Variants in SCFD2 observed in about 807,000 individuals in gnomAD.
SCFD2 encodes sec1 family domain containing 2.
A neutral mutation model predicts 58.9 loss-of-function variants in SCFD2; 54 were observed. The observed-to-expected ratio is 0.92, with a 90% CI of 0.74 to 1.15. The LOEUF is 1.15. SCFD2 is among the 50% of genes most tolerant of loss of function. The pLI is 0.00. For missense variants in SCFD2, 805 were observed against 836.6 expected (o/e 0.96, Z 0.47); for synonymous variants, 321 against 335.9 (o/e 0.96, Z 0.49).
At chr4:53,161,234 C>G (rs1483951382) in intron 4 of SCFD2, among the ~76,000 whole-genome samples, 2 of 152,190 alleles carry the variant, frequency 1.3e-5, no homozygotes, top group Non-Finnish European at 2.9e-5. Context: ...GATTACACAG[C>G]TGTCTTCAGT....
intron 5 of SCFD2, among the ~76,000 whole-genome samples, chr4:53,107,480 C>T (rs1363962061): frequency 6.6e-6 from 1 of 152,124 alleles, no homozygotes; most frequent in African/African-American, 2.4e-5. Context: ...TTCAGGAGAT[C>T]TACCTCATGT....
At chr4:53,269,323 C>CA (rs1207136786) in intron 4 of SCFD2, among the ~76,000 whole-genome samples, 1 of 151,422 alleles carries the variant, frequency 6.6e-6, no homozygotes, top group Non-Finnish European at 1.5e-5. Context: ...GACCCTGTCT[C>CA]AAAAAAATTT....
At chr4:53,327,314 G>A (rs1448334860) in intron 2 of SCFD2, among the ~76,000 whole-genome samples, 1 of 152,190 alleles carries the variant, frequency 6.6e-6, no homozygotes, top group Non-Finnish European at 1.5e-5. Context: ...GAGGGTGGCA[G>A]CAGTCTGACC....
At chr4:53,002,687 T>C (rs923353792) in intron 5 of SCFD2, among the ~76,000 whole-genome samples, 6 of 152,136 alleles carry the variant, frequency 3.9e-5, no homozygotes, top group African/African-American at 9.7e-5. Context: ...TAAGCAAATA[T>C]ATAAACAAAT....
chr4:52,951,624 G>C (rs760822193), intron 5 of SCFD2, among the ~76,000 whole-genome samples: 1 of 152,158 alleles, frequency 6.6e-6, no homozygotes, highest in Non-Finnish European at 1.5e-5. Flanking sequence ...GCAGTTAGGA[G>C]AAGTCATGTG....
chr4:53,224,517 C>A (rs527246405), intron 4 of SCFD2, among the ~76,000 whole-genome samples: 1 of 152,168 alleles, frequency 6.6e-6, no homozygotes, highest in Non-Finnish European at 1.5e-5. Flanking sequence ...CATGCGTAGG[C>A]ACTGCAGCTG....
intron 4 of SCFD2, among the ~76,000 whole-genome samples, chr4:53,182,027 C>T (rs999436650): frequency 9.2e-5 from 14 of 152,158 alleles, no homozygotes; most frequent in Non-Finnish European, 1.5e-4. Flanking sequence ...GGAAGAACAT[C>T]CCATGCTCAT....
At chr4:52,938,750 T>G in intron 5 of SCFD2, among the ~76,000 whole-genome samples, 1 of 152,236 alleles carries the variant, frequency 6.6e-6, no homozygotes, top group East Asian at 1.9e-4. Flanking sequence ...TCAACAATCT[T>G]CACTCTCAAT....
chr4:53,142,298 G>T (rs1460451360), intron 5 of SCFD2, among the ~76,000 whole-genome samples: 1 of 152,152 alleles, frequency 6.6e-6, no homozygotes, highest in African/African-American at 2.4e-5. Context: ...TGTCTTTTAA[G>T]ATTATCCAAA....
At chr4:53,171,541 C>G (rs974321061) in intron 4 of SCFD2, among the ~76,000 whole-genome samples, 1 of 152,124 alleles carries the variant, frequency 6.6e-6, no homozygotes, top group African/African-American at 2.4e-5. Flanking sequence ...TTATTCCCTT[C>G]TCTACAATTT....
intron 5 of SCFD2, among the ~76,000 whole-genome samples, chr4:52,992,360 G>A (rs1019081204): frequency 2.0e-5 from 3 of 152,176 alleles, no homozygotes; most frequent in East Asian, 1.9e-4. Flanking sequence ...GTGCAGTGGC[G>A]TGATCTCGGC....
intron 5 of SCFD2, among the ~76,000 whole-genome samples, chr4:53,133,584 C>A (rs2148901864): frequency 6.6e-6 from 1 of 152,176 alleles, no homozygotes; most frequent in African/African-American, 2.4e-5. Context: ...CAGACTTTTC[C>A]AAAGAAGAGA....
rs191061228 is a variant in SCFD2 at position 53,182,702 on chromosome 4, C to G, written c.1312-37120G>C. Among the ~76,000 whole-genome samples, 87 of 152,206 alleles carry G rather than the reference C, an allele frequency of 5.7e-4. 1 individual carries two copies. The East Asian group carries it at 0.014, about 24-fold the overall frequency. ...TCTGCGCAGCAAAAGAAACTACCAT[C>G]ATAGTCAACAGGCAACCTTCAGAAT... is the stretch of plus-strand genomic sequence containing the variant. On this transcript the variant is annotated intron_variant, in intron 4 of 8. Coordinates refer to ENST00000401642, the MANE Select transcript of SCFD2 (RefSeq NM_152540.4).
intron 4 of SCFD2, among the ~76,000 whole-genome samples, chr4:53,207,510 ATATAT>A (rs1345962187): frequency 8.1e-5 from 1 of 12,310 alleles, no homozygotes; most frequent in Non-Finnish European, 1.3e-4. Context: ...TATATATTAT[ATATAT>A]TATATATATA....
chr4:53,241,173 T>C (rs1392740843), intron 4 of SCFD2, among the ~76,000 whole-genome samples: 1 of 152,124 alleles, frequency 6.6e-6, no homozygotes, highest in Non-Finnish European at 1.5e-5. Context: ...AGGAGACCCC[T>C]CAACCACCAA....
intron 4 of SCFD2, among the ~76,000 whole-genome samples, chr4:53,165,662 C>CTA (rs1726985358): frequency 6.6e-6 from 1 of 152,174 alleles, no homozygotes; most frequent in Admixed American, 6.5e-5. Flanking sequence ...ATCCATCTTA[C>CTA]TATAGGTTTT....
Position 52,916,167 on chromosome 4 carries a change from C to T in SCFD2, c.1707+4558G>A, listed in dbSNP as rs114886000. Among the ~76,000 whole-genome samples the T allele has an allele frequency of 1.0e-2, 1,517 of 152,376 alleles. 19 individuals are homozygous for T. Among genetic ancestry groups the T allele is most frequent in the Non-Finnish European group, 0.017 (1,123 of 68,038 alleles). On this transcript the variant is annotated intron_variant, in intron 6 of 8. Transcript: ENST00000401642. ...CCCTGAGACATCTGCCTAATATCCTCCTGGTGTCACAGTTGAGGAATGGCA... is the reference window on the plus strand; with the variant it reads ...CCCTGAGACATCTGCCTAATATCCTTCTGGTGTCACAGTTGAGGAATGGCA...
chr4:53,252,827 G>C, intron 4 of SCFD2, among the ~76,000 whole-genome samples: 1 of 152,030 alleles, frequency 6.6e-6, no homozygotes, highest in Non-Finnish European at 1.5e-5. Context: ...CATAGGCATG[G>C]GCAAGGACTT....
intron 5 of SCFD2, among the ~76,000 whole-genome samples, chr4:53,084,536 A>G (rs1724247456): frequency 6.6e-6 from 1 of 152,218 alleles, no homozygotes; most frequent in Non-Finnish European, 1.5e-5. Context: ...CGAAGATAAC[A>G]GGATTAAGAG....
Sources: allele counts gnomAD v4.1 joint callset (sites outside exome capture counted in the v4.1 genomes callset), GRCh38; gene constraint gnomAD v4.1.1; transcripts MANE v1.5; gene names NCBI Gene and HGNC (gene_info 2026-07-23, HGNC 2026-07-21).